Variants in LRP1B observed in about 807,000 individuals in gnomAD.
LRP1B encodes low-density lipoprotein receptor-related protein 1B.
A neutral mutation model predicts 556.6 loss-of-function variants in LRP1B; 217 were observed. The observed-to-expected ratio is 0.39, with a 90% CI of 0.35 to 0.44. The LOEUF (loss-of-function observed/expected upper bound fraction) is 0.44. Ranked by LOEUF, LRP1B falls within the 20% of genes least tolerant of loss-of-function variation. LRP1B has a pLI of 1.00. For synonymous variants in LRP1B, 2,047 were observed against 1,865.8 expected, an observed-to-expected ratio of 1.10 and a Z score of -2.50; for missense variants, 5,053 against 5,620.8, an observed-to-expected ratio of 0.90 and a Z score of 3.23.
chr2:141,565,250 T>C (rs911512423), intron 2 of LRP1B, among the ~76,000 whole-genome samples: 6 of 152,188 alleles, frequency 3.9e-5, no homozygotes, highest in Admixed American at 1.3e-4. Context: ...TCTGGCTTAG[T>C]GTCTCCGGGT....
chr2:140,564,871 G>A (rs993038496), intron 43 of LRP1B, among the ~76,000 whole-genome samples: 8 of 152,012 alleles, frequency 5.3e-5, no homozygotes, highest in Non-Finnish European at 7.4e-5. Flanking sequence ...CTAAGTTTTA[G>A]CATTTCAGCA....
chr2:141,789,347 T>A (rs1178730586), intron 2 of LRP1B, among the ~76,000 whole-genome samples: 1 of 151,878 alleles, frequency 6.6e-6, no homozygotes, highest in African/African-American at 2.4e-5. Context: ...CTCAAGAAAT[T>A]TTAGCTATAA....
chr2:141,735,587 C>T (rs1693435435), intron 2 of LRP1B, among the ~76,000 whole-genome samples: 1 of 151,886 alleles, frequency 6.6e-6, no homozygotes, highest in South Asian at 2.1e-4. Flanking sequence ...GAGAGCCCTC[C>T]ATTACTGCCC....
intron 66 of LRP1B, among the ~76,000 whole-genome samples, chr2:140,402,034 C>A (rs138715609): frequency 5.9e-5 from 9 of 152,192 alleles, no homozygotes; most frequent in African/African-American, 2.2e-4. Flanking sequence ...GGACAGGTCA[C>A]ATCACTGGAT....
At chr2:140,427,398 C>T (rs2105276685) in intron 66 of LRP1B, among the ~76,000 whole-genome samples, 1 of 152,228 alleles carries the variant, frequency 6.6e-6, no homozygotes, top group Admixed American at 6.5e-5. Context: ...AGGCAACCTT[C>T]CACCCTCCGT....
chr2:141,384,668 G>C (rs147053898), intron 3 of LRP1B, among the ~76,000 whole-genome samples: 1 of 151,996 alleles, frequency 6.6e-6, no homozygotes, highest in Non-Finnish European at 1.5e-5. Flanking sequence ...CAGGTTGCTC[G>C]GGGAAATAAC....
chr2:141,921,257 G>C (rs1007941012), intron 1 of LRP1B, among the ~76,000 whole-genome samples: 3 of 151,916 alleles, frequency 2.0e-5, no homozygotes, highest in Admixed American at 6.6e-5. Context: ...ATTCACACTT[G>C]TCTTGAATCC....
intron 23 of LRP1B, among the ~76,000 whole-genome samples, chr2:140,888,411 G>T (rs2105196505): frequency 6.6e-6 from 1 of 151,574 alleles, no homozygotes; most frequent in Middle Eastern, 3.4e-3. Context: ...TACAACAAAA[G>T]ATATTACTAG....
chr2:141,201,888 G>A (rs1682038329), intron 6 of LRP1B, among the ~76,000 whole-genome samples: 1 of 152,144 alleles, frequency 6.6e-6, no homozygotes, highest in Non-Finnish European at 1.5e-5. Flanking sequence ...TTGCAACCAA[G>A]AAACCCAGTG....
chr2:141,220,891 C>A (rs1223423851), intron 6 of LRP1B, among the ~76,000 whole-genome samples: 2 of 152,014 alleles, frequency 1.3e-5, no homozygotes, highest in African/African-American at 4.8e-5. Context: ...TTCATTACCA[C>A]CAGGCCTGCC....
At chr2:140,568,828 T>C (rs1386246259) in intron 43 of LRP1B, among the ~76,000 whole-genome samples, 17 of 152,180 alleles carry the variant, frequency 1.1e-4, no homozygotes. Context: ...TAAAGGTTTT[T>C]ACATTATTTC....
intron 1 of LRP1B, among the ~76,000 whole-genome samples, chr2:141,921,724 C>A (rs1369541): frequency 0.86 from 131,111 of 152,012 alleles, 56,697 homozygotes; most frequent in East Asian, 1. Flanking sequence ...ATTTGTTTTA[C>A]TTGACCAAAT....
At chr2:140,433,201 A>G (rs1686027844) in intron 66 of LRP1B, among the ~76,000 whole-genome samples, 1 of 152,108 alleles carries the variant, frequency 6.6e-6, no homozygotes, top group South Asian at 2.1e-4. Flanking sequence ...TGGGTGCAAC[A>G]ATTCTTCTGT....
At chr2:140,832,723 T>C (rs761116173) in intron 31 of LRP1B, among the ~76,000 whole-genome samples, 7 of 152,098 alleles carry the variant, frequency 4.6e-5, no homozygotes, top group Non-Finnish European at 1.0e-4. Flanking sequence ...TGATTGGTGG[T>C]TGCAAGAGGC....
At chr2:141,209,028 T>C (rs56945770) in intron 6 of LRP1B, among the ~76,000 whole-genome samples, 1,801 of 151,160 alleles carry the variant, frequency 0.012, 42 homozygotes, top group African/African-American at 0.039. Context: ...ATTAGATATA[T>C]ACACTCATAT....
intron 1 of LRP1B, among the ~76,000 whole-genome samples, chr2:141,965,953 G>C (rs896698913): frequency 2.5e-4 from 38 of 151,704 alleles, no homozygotes; most frequent in Admixed American, 1.3e-3. Context: ...AGAGAGAAAT[G>C]AATATATTGT....
intron 35 of LRP1B, among the ~76,000 whole-genome samples, chr2:140,765,617 A>G (rs1689076244): frequency 6.6e-6 from 1 of 152,132 alleles, no homozygotes; most frequent in South Asian, 2.1e-4. Context: ...AACATTTTAA[A>G]TCTAGCCACA....
chr2:141,601,568 T>C (rs139552843), intron 2 of LRP1B, among the ~76,000 whole-genome samples: 112 of 151,922 alleles, frequency 7.4e-4, no homozygotes, highest in African/African-American at 2.4e-3. Context: ...ACTATATTAG[T>C]AGCGTGATTT....
intron 1 of LRP1B, among the ~76,000 whole-genome samples, chr2:142,059,438 A>G (rs2104888783): frequency 6.6e-6 from 1 of 152,200 alleles, no homozygotes; most frequent in African/African-American, 2.4e-5. Context: ...GACCATACTA[A>G]TTGACAAAAT....
Sources: allele counts gnomAD v4.1 joint callset (sites outside exome capture counted in the v4.1 genomes callset), GRCh38; gene constraint gnomAD v4.1.1; transcripts MANE v1.5; gene names NCBI Gene and HGNC (gene_info 2026-07-23, HGNC 2026-07-21).